The following PRDM8 variants were observed in gnomAD, a reference collection of about 807,000 sequenced individuals.
The protein encoded by PRDM8 is PR/SET domain 8.
PRDM8 carries 13 observed loss-of-function variants against 46.5 expected under a neutral mutation model. The ratio of observed to expected loss-of-function variants is 0.28; its 90% CI spans 0.18 to 0.44. PRDM8 has a LOEUF of 0.44. PRDM8 is among the 20% of genes least tolerant of loss of function. PRDM8 has a pLI of 1.00. For synonymous variants in PRDM8, 473 were observed against 438.4 expected, an observed-to-expected ratio of 1.08 and a Z score of -0.98; for missense variants, 998 against 955.0, an observed-to-expected ratio of 1.04 and a Z score of -0.59.
Position 80,203,808 on chromosome 4 carries a change from G to C in PRDM8, c.*276G>C. ...AGGATGGTGGAGTTTTGATTGGGTGGGTTGTTTGAGGGGGTTTTCTTTTGA... is the reference window on the plus strand; with the variant it reads ...AGGATGGTGGAGTTTTGATTGGGTGCGTTGTTTGAGGGGGTTTTCTTTTGA... On this transcript the variant is annotated 3_prime_UTR_variant, in exon 4 of 4. Transcript: ENST00000415738. The C allele has an allele frequency of 3.1e-6, 1 of 317,942 alleles. No homozygotes were observed. Among genetic ancestry groups the C allele is most frequent in the African/African-American group, 2.2e-5 (1 of 45,364 alleles). The allele number at this position is 317,942 out of a possible 1,614,324, so 19.7% of individuals were successfully genotyped here. A position where few individuals can be genotyped will look rare whatever the true frequency, so the allele number is the denominator to read the frequency against.
chr4:80,197,570 T>TC lies in PRDM8; in HGVS notation c.-194dup, dbSNP rs1738058917. The TC allele has an allele frequency of 2.6e-6, 1 of 383,530 alleles. No individual in the cohort carries two copies. The highest frequency in any genetic ancestry group is 3.2e-5 in the African/African-American group (1 of 31,482). 23.8% of individuals were successfully genotyped at this position (383,530 alleles called of 1,614,324 possible). A position where few individuals can be genotyped will look rare whatever the true frequency, so the allele number is the denominator to read the frequency against. On this transcript the variant is annotated 5_prime_UTR_variant, in exon 1 of 4. Coordinates refer to ENST00000415738, the MANE Select transcript of PRDM8 (RefSeq NM_001099403.2). ...CCGTCTCTCTCCCTCCCTCCCTCCC[T>TC]CCACCCCCCCAATCTTTTTCTCCCC...
At chr4:80,186,449 G>GAGAGAGAGAGAGAGAGAGAA (rs1268900496) in intron 1 of PRDM8, among the ~76,000 whole-genome samples, 1 of 151,802 alleles carries the variant, frequency 6.6e-6, no homozygotes. Flanking sequence ...GAGAGAGAGA[G>GAGAGAGAGAGAGAGAGAGAA]AGAGAGATTG....
Position 80,203,379 on chromosome 4 carries a change from C to G in PRDM8, c.1917C>G (p.Asp639Glu). The change falls in exon 4 of 4, where the codon GAC (aspartate) becomes GAG (glutamate). Residue 639 changes from aspartate (D) to glutamate (E), a missense_variant. By Grantham distance (45) the Asp-to-Glu change is conservative. Coordinates refer to ENST00000415738, the MANE Select transcript of PRDM8 (RefSeq NM_001099403.2). Reference protein sequence around the residue: ...KCNASFRMTSDLVYHMRSHHK... With the variant: ...KCNASFRMTSELVYHMRSHHK... ...ATGCCTCCTTCCGCATGACCTCCGA[C>G]CTGGTGTACCATATGAGGTCGCACC... is the stretch of plus-strand genomic sequence containing the variant. 6.2e-7 allele frequency: 1 copy of G among 1,614,090 alleles called. No homozygotes were observed. The highest frequency in any genetic ancestry group is 1.3e-5 in the African/African-American group (1 of 75,038).
At chr4:80,198,556 T>C (rs1308962896) in intron 1 of PRDM8, among the ~76,000 whole-genome samples, 1 of 152,040 alleles carries the variant, frequency 6.6e-6, no homozygotes, top group Non-Finnish European at 1.5e-5. Flanking sequence ...AATAAAAAAG[T>C]TTCTACTTTA....
chr4:80,199,452 A>G (rs1159670153), intron 1 of PRDM8, among the ~76,000 whole-genome samples: 6 of 152,180 alleles, frequency 3.9e-5, no homozygotes, highest in Non-Finnish European at 5.9e-5. Flanking sequence ...CCCTTCTTGT[A>G]GGCTGCAGAG....
intron 1 of PRDM8, among the ~76,000 whole-genome samples, chr4:80,187,243 CTG>C (rs765444798): frequency 0.084 from 7,603 of 90,684 alleles, 358 homozygotes; most frequent in Admixed American, 0.11. Context: ...ATTCTCTGCC[CTG>C]GGGCGGGGGG....
chr4:80,200,860 G>T (rs1430680266), intron 2 of PRDM8, among the ~76,000 whole-genome samples: 1 of 152,070 alleles, frequency 6.6e-6, no homozygotes, highest in Non-Finnish European at 1.5e-5. Flanking sequence ...TCTATTAATT[G>T]TTCTAGCCAA....
At position 80,187,525 on chromosome 4, in the gene PRDM8, T is replaced by G. The variant is rs1481345293; in HGVS notation, c.-983+2007T>G. ...AGGGGATGTCTGTGAATTTAGGGTT[T>G]GGGGCTCCAAATTGAATTTCCAAGG... is the stretch of plus-strand genomic sequence containing the variant. On this transcript the variant is annotated intron_variant, in intron 1 of 9. Coordinates refer to the PRDM8 transcript ENST00000339711. 3.3e-5 allele frequency among the ~76,000 whole-genome samples: 5 copies of G among 152,124 alleles called. No individual in the cohort carries two copies. The South Asian group carries it at 8.3e-4, about 25-fold the overall frequency.
At chr4:80,185,575 A>T (rs1737011079) in intron 1 of PRDM8, 1 of 152,162 alleles carries the variant, frequency 6.6e-6, no homozygotes, top group Admixed American at 6.5e-5. Flanking sequence ...TCATGCACAG[A>T]GTGTGGTTGG....
intron 1 of PRDM8, chr4:80,190,287 C>G (rs1283553797): frequency 6.6e-6 from 1 of 152,260 alleles, no homozygotes; most frequent in Non-Finnish European, 1.5e-5. Flanking sequence ...GCACTAATTG[C>G]CGGTGGAAGG....
chr4:80,195,738 A>G (rs76208223), upstream of PRDM8, among the ~76,000 whole-genome samples: 2,522 of 152,256 alleles, frequency 0.017, 62 homozygotes, highest in African/African-American at 0.057. Context: ...CTGCACTTCA[A>G]GAAGCTTTCT....
At chr4:80,194,700 A>C (rs1737813255), upstream of PRDM8, among the ~76,000 whole-genome samples, 2 of 152,180 alleles carry the variant, frequency 1.3e-5, no homozygotes, top group Admixed American at 1.3e-4. Context: ...CAGATTCATA[A>C]AATGTGAGAA....
Position 80,197,530 on chromosome 4 carries a change from A to G in PRDM8, c.-236A>G, listed in dbSNP as rs978900396. ...TCACTGCATCGGGTCCATCTGTACA[A>G]CTCTCTCCGTTTCTCCGTCTCTCTC... On this transcript the variant is annotated 5_prime_UTR_variant, in exon 1 of 4. Transcript: ENST00000415738. 2.6e-5 allele frequency: 26 copies of G among 982,282 alleles called. No homozygotes were observed. Among genetic ancestry groups the G allele is most frequent in the Non-Finnish European group, 3.1e-5 (26 of 829,024 alleles). 60.8% of individuals were successfully genotyped at this position (982,282 alleles called of 1,614,324 possible).
At position 80,203,067 on chromosome 4, in the gene PRDM8, C is replaced by T. The variant is rs1490258931; in HGVS notation, c.1605C>T (p.Thr535=). 2 of 1,566,990 alleles carry T rather than the reference C, an allele frequency of 1.3e-6. No individual in the cohort carries two copies. Among genetic ancestry groups the T allele is most frequent in the Non-Finnish European group, 1.7e-6 (2 of 1,165,674 alleles). The change falls in exon 4 of 4, where the codon ACC becomes ACT. Residue 535 remains threonine, a synonymous_variant. Coordinates refer to ENST00000415738, the MANE Select transcript of PRDM8 (RefSeq NM_001099403.2). ...ACCCCGCCGACGGCGTGGGCCCCAC[C>T]AGACTCTATCCCGCCGCCGCGGACC... ...PCHPADGVGP[T]RLYPAAADPL...
chr4:80,203,347 A>C lies in PRDM8; in HGVS notation c.1885A>C (p.Lys629Gln). The C allele has an allele frequency of 6.2e-7, 1 of 1,613,936 alleles. No individual in the cohort carries two copies. The highest frequency in any genetic ancestry group is 8.5e-7 in the Non-Finnish European group (1 of 1,179,976). ...LCLPAQNWCA[K>Q]CNASFRMTSD... ...TCTGCCCGCGCAGAACTGGTGCGCC[A>C]AGTGCAATGCCTCCTTCCGCATGAC... The change falls in exon 4 of 4, where the codon AAG becomes CAG. Residue 629 changes from lysine to glutamine, a missense_variant. Physicochemically the swap from Lys to Gln is moderately conservative, Grantham distance 53. Transcript: ENST00000415738.
upstream of PRDM8, among the ~76,000 whole-genome samples, chr4:80,194,695 T>A (rs969879725): frequency 1.3e-5 from 2 of 152,210 alleles, no homozygotes; most frequent in African/African-American, 2.4e-5. Context: ...TAGGTCAGAT[T>A]CATAAAATGT....
chr4:80,198,594 TGG>T (rs1046018995), intron 1 of PRDM8, among the ~76,000 whole-genome samples: 1 of 152,190 alleles, frequency 6.6e-6, no homozygotes, highest in African/African-American at 2.4e-5. Context: ...TTCTGCTGTC[TGG>T]GAGATACAGC....
intron 1 of PRDM8, among the ~76,000 whole-genome samples, chr4:80,188,922 G>T (rs1453702295): frequency 6.6e-6 from 1 of 152,208 alleles, no homozygotes; most frequent in Non-Finnish European, 1.5e-5. Context: ...GGCAGCCACG[G>T]GGGGAACTCG....
intron 2 of PRDM8, 80 bp downstream of exon 2, chr4:80,200,379 G>A: frequency 7.8e-7 from 1 of 1,284,796 alleles, no homozygotes; most frequent in Non-Finnish European, 1.1e-6. Context: ...ATAATGACAA[G>A]TGGAGATAGG....
Sources: gnomAD v4.1 joint callset for allele counts (sites outside exome capture counted in the v4.1 genomes callset) on GRCh38, gnomAD v4.1.1 for gene constraint, MANE v1.5 for transcripts, NCBI Gene and HGNC (gene_info 2026-07-23, HGNC 2026-07-21) for gene names.